Variants in VPS18 observed in about 807,000 individuals in gnomAD.
VPS18 encodes the protein VPS18 core subunit of CORVET and HOPS complexes, also known as vacuolar protein sorting-associated protein 18 homolog.
In VPS18, 25 loss-of-function variants were observed where a neutral mutation model predicts 82.0. That is an observed-to-expected ratio of 0.30 (90% CI 0.22 to 0.43). The LOEUF (loss-of-function observed/expected upper bound fraction) is 0.43. Among genes scored for constraint, VPS18 ranks in the 20% least tolerant of loss-of-function variants. The pLI, the probability that VPS18 is intolerant of heterozygous loss-of-function variation, is 1.00. For missense variants in VPS18, 1,168 were observed against 1,311.1 expected (o/e 0.89, Z 1.69); for synonymous variants, 523 against 543.0 (o/e 0.96, Z 0.51).
rs564510344 is a variant in VPS18, at chr15:40,900,938, A to G, written c.2120A>G (p.His707Arg). Residue 707 changes from histidine (H) to arginine (R), a missense_variant, in exon 4 of 5, where the codon CAT (histidine) becomes CGT (arginine). By Grantham distance (29) the His-to-Arg change is conservative. Transcript: ENST00000220509. The surrounding 1 kb of genome is among the most constrained non-coding windows in gnomAD (Gnocchi z 5.4). Reference sequence around the variant, plus strand: ...TATGCGCTGCGGCTCTGCGCCGAGCATGGCCACCACCGCGCTTGTGTCCAT... The same window carrying G: ...TATGCGCTGCGGCTCTGCGCCGAGCGTGGCCACCACCGCGCTTGTGTCCAT... Reference protein sequence around the residue: ...LKYALRLCAEHGHHRACVHVY... With the variant: ...LKYALRLCAERGHHRACVHVY... The G allele has an allele frequency of 6.2e-6, 10 of 1,613,080 alleles. No homozygotes were observed. The highest frequency in any genetic ancestry group is 4.0e-5 in the African/African-American group (3 of 75,050).
At position 40,894,855 on chromosome 15, in the gene VPS18, C is replaced by G. The variant is rs1189190369; in HGVS notation, c.87C>G (p.His29Gln). The G allele has an allele frequency of 5.2e-6, 8 of 1,551,862 alleles. No individual in the cohort carries two copies. The African/African-American group carries it at 8.2e-5, about 16-fold the overall frequency. ...GCTGCCCTAGCGTGGGCATCCCCCA[C>G]TCGGGTAAGGAAGAGGAGGGTGCCG... The part of the protein sequence containing the change: ...QPGCPSVGIP[H>Q]SGYVNAQLEK... Residue 29 changes from histidine to glutamine, a missense_variant, in exon 1 of 5, where the codon CAC (histidine) becomes CAG (glutamine). Physicochemically the swap from His to Gln is conservative, Grantham distance 24. Coordinates refer to ENST00000220509, the MANE Select transcript of VPS18 (RefSeq NM_020857.3).
chr15:40,900,460 G>A lies in VPS18; in HGVS notation c.1642G>A (p.Ala548Thr), dbSNP rs142491678. The A allele has an allele frequency of 3.1e-6, 5 of 1,614,018 alleles. No individual in the cohort carries two copies. The highest frequency in any genetic ancestry group is 4.2e-6 in the Non-Finnish European group (5 of 1,180,008). ...CCGGGCCTCTATCCATGAGCTGCTC[G>A]CCAGTCATGGGGACACAGAACACAT... ...ASRASIHELL[A>T]SHGDTEHMVY... Residue 548 changes from alanine (A) to threonine (T), a missense_variant, in exon 4 of 5, where the codon GCC (alanine) becomes ACC (threonine). Ala to Thr is a moderately conservative substitution (Grantham distance 58). This residue lies in a region of VPS18 where 868 missense variants were observed against 939.8 expected (regional missense o/e 0.92). Coordinates refer to ENST00000220509, the MANE Select transcript of VPS18 (RefSeq NM_020857.3). The surrounding 1 kb of genome is among the most constrained non-coding windows in gnomAD (Gnocchi z 5.4).
chr15:40,902,181 C>T lies in VPS18; in HGVS notation c.2197-435C>T, dbSNP rs1235463118. On this transcript the variant is annotated intron_variant, in intron 4 of 4. Transcript: ENST00000220509. This position sits in a 1 kb window ranked among gnomAD's most constrained non-coding sequence, Gnocchi z 4.2. ...AGGCAGGAGTGCAGTGGCCCAATCT[C>T]GGCTCACTGCAAGCTCAGCCTCCCA... Among the ~76,000 whole-genome samples the T allele has an allele frequency of 2.0e-5, 3 of 151,000 alleles. No homozygotes were observed. Among genetic ancestry groups the T allele is most frequent in the East Asian group, 1.9e-4 (1 of 5,142 alleles).
In VPS18 at chr15:40,900,996, C is replaced by G; in HGVS notation, c.2178C>G (p.Ala726=). 3 of 1,602,220 alleles carry G rather than the reference C, an allele frequency of 1.9e-6. No individual in the cohort carries two copies. The highest frequency in any genetic ancestry group is 2.6e-6 in the Non-Finnish European group (3 of 1,176,354). Residue 726 remains alanine, a synonymous_variant, in exon 4 of 5, where the codon GCC becomes GCG. Coordinates refer to ENST00000220509, the MANE Select transcript of VPS18 (RefSeq NM_020857.3). This position sits in a 1 kb window ranked among gnomAD's most constrained non-coding sequence, Gnocchi z 5.4. ...AGGTCCTAGAGCTGTATGAGGAGGC[C>G]GTGGACCTGGCCCTGCAGGTAAGCC... is the stretch of plus-strand genomic sequence containing the variant. ...VYKVLELYEE[A]VDLALQVDVD...
Position 40,900,223 on chromosome 15 carries a change from C to G in VPS18, c.1405C>G (p.Leu469Val). Residue 469 changes from leucine to valine, a missense_variant, in exon 4 of 5, where the codon CTG becomes GTG. This residue lies in a region of VPS18 where 868 missense variants were observed against 939.8 expected (regional missense o/e 0.92). Coordinates refer to ENST00000220509, the MANE Select transcript of VPS18 (RefSeq NM_020857.3). This position sits in a 1 kb window ranked among gnomAD's most constrained non-coding sequence, Gnocchi z 5.4. ...CCTGGAGGCCCGACAGGAGGAGGCT[C>G]TGGCTGAGTTCCTGCAGCGAAAACT... is the stretch of plus-strand genomic sequence containing the variant. ...KFLEARQEEA[L>V]AEFLQRKLAS... The G allele has an allele frequency of 6.2e-7, 1 of 1,613,856 alleles. No individual in the cohort carries two copies. The highest frequency in any genetic ancestry group is 2.2e-5 in the East Asian group (1 of 44,880).
rs745640021 is a variant in VPS18, at chr15:40,902,092, A to ATTTC, written c.2197-500_2197-497dup. On this transcript the variant is annotated intron_variant, in intron 4 of 4. Transcript: ENST00000220509. The surrounding 1 kb of genome is among the most constrained non-coding windows in gnomAD (Gnocchi z 4.2). ...GTATTTTGAATATGTTTCCCAGGTG[A>ATTTC]TTTCTTTCTTTCTTTCTTTCTTTCT... is the stretch of plus-strand genomic sequence containing the variant. Among the ~76,000 whole-genome samples, 1,592 of 148,654 alleles carry ATTTC rather than the reference A, an allele frequency of 0.011. 17 individuals are homozygous for ATTTC. Among genetic ancestry groups the ATTTC allele is most frequent in the Non-Finnish European group, 0.013 (877 of 67,226 alleles).
chr15:40,894,489 C>T lies in VPS18; in HGVS notation c.-280C>T. On this transcript the variant is annotated 5_prime_UTR_variant, in exon 1 of 5. Transcript: ENST00000220509. ...CCGGGGCGAGGTTGGGATCACCTGGCACCGGCTGAAGGGAGCCTGTGATTT... is the reference window on the plus strand; with the variant it reads ...CCGGGGCGAGGTTGGGATCACCTGGTACCGGCTGAAGGGAGCCTGTGATTT... The T allele has an allele frequency of 3.0e-6, 1 of 336,770 alleles. No homozygotes were observed. The highest frequency in any genetic ancestry group is 5.4e-6 in the Non-Finnish European group (1 of 185,680). The allele number at this position is 336,770 out of a possible 1,614,324, so 20.9% of individuals were successfully genotyped here.
chr15:40,900,128 G>A lies in VPS18; in HGVS notation c.1310G>A (p.Arg437His), dbSNP rs201397772. 57 of 1,613,788 alleles carry A rather than the reference G, an allele frequency of 3.5e-5. No individual in the cohort carries two copies. The highest frequency in any genetic ancestry group is 6.7e-5 in the East Asian group (3 of 44,870). ...GAGGCCGATTTCTGCTTTCGCCAGCGTCGCTACCTGGAGAGCGCACGCTGC... is the reference window on the plus strand; with the variant it reads ...GAGGCCGATTTCTGCTTTCGCCAGCATCGCTACCTGGAGAGCGCACGCTGC... ...AREADFCFRQRRYLESARCYA... is the reference protein window; with the variant it reads ...AREADFCFRQHRYLESARCYA... The change falls in exon 4 of 5, where the codon CGT becomes CAT. Residue 437 changes from arginine (R) to histidine (H), a missense_variant. Around this residue, in one of 3 missense-constraint regions of VPS18, gnomAD observed 868 missense variants for 939.8 expected, o/e 0.92. Coordinates refer to ENST00000220509, the MANE Select transcript of VPS18 (RefSeq NM_020857.3). This position sits in a 1 kb window ranked among gnomAD's most constrained non-coding sequence, Gnocchi z 5.4.
chr15:40,895,914 C>A, intron 1 of VPS18, 24 bp from the exon 2 acceptor site: 1 of 1,613,882 alleles, frequency 6.2e-7, no homozygotes, highest in Non-Finnish European at 8.5e-7. Context: ...CACAGCTAAT[C>A]TTCTTGTCAT....
In VPS18 at chr15:40,902,711, G is replaced by A. The variant is rs1892380142; in HGVS notation, c.2292G>A (p.Val764=). 6.2e-7 allele frequency: 1 copy of A among 1,614,288 alleles called. No individual in the cohort carries two copies. The highest frequency in any genetic ancestry group is 8.5e-7 in the Non-Finnish European group (1 of 1,180,058). ...GGCTGAAGATCGCACGGCACGTGGT[G>A]CAGGAAGAGGAAGATGTACAGACAG... ...KLWLKIARHV[V]QEEEDVQTAM... The change falls in exon 5 of 5, where the codon GTG becomes GTA. Residue 764 remains valine, a synonymous_variant. Coordinates refer to ENST00000220509, the MANE Select transcript of VPS18 (RefSeq NM_020857.3). The surrounding 1 kb of genome is among the most constrained non-coding windows in gnomAD (Gnocchi z 4.2).
In VPS18 at chr15:40,894,513, T is replaced by G. The variant is rs1048984734; in HGVS notation, c.-256T>G. 10 of 378,540 alleles carry G rather than the reference T, an allele frequency of 2.6e-5. No individual in the cohort carries two copies. In the East Asian group the frequency reaches 3.2e-4, roughly 12 times the overall value. The allele number at this position is 378,540 out of a possible 1,614,324, so 23.4% of individuals were successfully genotyped here. A position where few individuals can be genotyped will look rare whatever the true frequency, so the allele number is the denominator to read the frequency against. On this transcript the variant is annotated 5_prime_UTR_variant, in exon 1 of 5. The change creates a new upstream start codon in the 5' untranslated region. Coordinates refer to ENST00000220509, the MANE Select transcript of VPS18 (RefSeq NM_020857.3). ...GCACCGGCTGAAGGGAGCCTGTGATTTTTTTGTAGCGGGGGCGGGGAGTAA... is the reference window on the plus strand; with the variant it reads ...GCACCGGCTGAAGGGAGCCTGTGATGTTTTTGTAGCGGGGGCGGGGAGTAA...
chr15:40,895,372 TG>T (rs1163961507), intron 1 of VPS18, among the ~76,000 whole-genome samples: 1 of 152,150 alleles, frequency 6.6e-6, no homozygotes, highest in East Asian at 1.9e-4. Flanking sequence ...GGGACGTTTT[TG>T]TAGAAAGTAG....
intron 1 of VPS18, 26 bp downstream of exon 1, chr15:40,894,885 C>G (rs901705862): frequency 8.4e-6 from 13 of 1,542,540 alleles, no homozygotes; most frequent in East Asian, 2.5e-5. Flanking sequence ...GTGCCGCTGC[C>G]CCTTTCGGCT....
Position 40,902,951 on chromosome 15 carries a change from CG to C in VPS18, c.2534del (p.Gly845AlafsTer106). 1.2e-6 allele frequency: 2 copies of C among 1,614,250 alleles called. No homozygotes were observed. Among genetic ancestry groups the C allele is most frequent in the Non-Finnish European group, 1.7e-6 (2 of 1,180,042 alleles). On this transcript the variant is annotated frameshift_variant, in exon 5 of 5. Transcript: ENST00000220509. LOFTEE classifies it high-confidence loss of function. The surrounding 1 kb of genome is among the most constrained non-coding windows in gnomAD (Gnocchi z 4.2). The stretch of plus-strand genomic sequence containing the variant: ...ACCTGCAGGAGCTGCGGGGCCGCTA[CG>C]GCACTGTGGAGCCCCAGGACAAATG... ...RDLQELRGRY[G>X]TVEPQDKCAT...
Position 40,900,759 on chromosome 15 carries a change from C to G in VPS18, c.1941C>G (p.Arg647=). 6.2e-7 allele frequency: 1 copy of G among 1,614,230 alleles called. No homozygotes were observed. The highest frequency in any genetic ancestry group is 1.1e-5 in the South Asian group (1 of 91,088). ...GEVQQVSQAI[R]YMEFCVNVLG... ...TCCAGCAGGTGAGCCAGGCCATCCG[C>G]TACATGGAGTTCTGCGTGAACGTGC... The change falls in exon 4 of 5, where the codon CGC becomes CGG. Residue 647 remains arginine, a synonymous_variant. Transcript: ENST00000220509. The surrounding 1 kb of genome is among the most constrained non-coding windows in gnomAD (Gnocchi z 5.4).
Position 40,903,312 on chromosome 15 carries a change from T to G in VPS18, c.2893T>G (p.Tyr965Asp). 6.5e-7 allele frequency: 1 copy of G among 1,549,506 alleles called. No individual in the cohort carries two copies. Among genetic ancestry groups the G allele is most frequent in the Non-Finnish European group, 8.7e-7 (1 of 1,147,760 alleles). Residue 965 changes from tyrosine to aspartate, a missense_variant, in exon 5 of 5, where the codon TAC becomes GAC. Around this residue, in one of 3 missense-constraint regions of VPS18, gnomAD observed 296 missense variants for 354.0 expected, o/e 0.84. Transcript: ENST00000220509. ...IDRPFIDPQR[Y>D]EEEQLSWL ...CCGGCCGTTCATCGACCCCCAGCGC[T>G]ACGAGGAGGAGCAGCTCAGTTGGCT...
chr15:40,894,907 T>C, intron 1 of VPS18, 48 bp downstream of exon 1: 1 of 1,521,180 alleles, frequency 6.6e-7, no homozygotes, highest in Non-Finnish European at 8.8e-7. Flanking sequence ...TCCTAGCATT[T>C]GCGTGGGAGC....
chr15:40,903,476 C>G lies in VPS18; in HGVS notation c.*135C>G. On this transcript the variant is annotated 3_prime_UTR_variant, in exon 5 of 5. Transcript: ENST00000220509. ...GACCACGTTGACGGGAGTAGAGTAG[C>G]GCTGTTGGCCAGGAGGTGTCAGGTG... 7.9e-7 allele frequency: 1 copy of G among 1,269,352 alleles called. No homozygotes were observed. Among genetic ancestry groups the G allele is most frequent in the East Asian group, 2.6e-5 (1 of 38,930 alleles). The allele number at this position is 1,269,352 out of a possible 1,614,324, so 78.6% of individuals were successfully genotyped here.
rs535485118 is a variant in VPS18 at position 40,902,344 on chromosome 15, A to T, written c.2197-272A>T. ...TAGCCAGGATGGTCTCGATCTCCTG[A>T]CCTCGTGATCTGCCTGCCTTGGCCT... On this transcript the variant is annotated intron_variant, in intron 4 of 4. Coordinates refer to ENST00000220509, the MANE Select transcript of VPS18 (RefSeq NM_020857.3). This position sits in a 1 kb window ranked among gnomAD's most constrained non-coding sequence, Gnocchi z 4.2. 2.6e-5 allele frequency among the ~76,000 whole-genome samples: 4 copies of T among 152,188 alleles called. No individual in the cohort carries two copies. Among genetic ancestry groups the T allele is most frequent in the African/African-American group, 9.6e-5 (4 of 41,534 alleles).
Sources: gnomAD v4.1 joint callset for allele counts (sites outside exome capture counted in the v4.1 genomes callset) on GRCh38, gnomAD v4.1.1 for gene constraint, gnomAD v4.1.1 regional missense constraint, Gnocchi (gnomAD v3.1) non-coding constraint, MANE v1.5 for transcripts, NCBI Gene and HGNC (gene_info 2026-07-23, HGNC 2026-07-21) for gene names.